The following VTI1A variants were observed in gnomAD, a reference collection of about 807,000 sequenced individuals.
VTI1A encodes vesicle transport through interaction with t-SNAREs 1A, also known as vesicle transport through interaction with t-SNAREs homolog 1A.
VTI1A carries 22 observed loss-of-function variants against 34.9 expected under a neutral mutation model. The ratio of observed to expected loss-of-function variants is 0.63; its 90% confidence interval spans 0.45 to 0.90. The LOEUF (loss-of-function observed/expected upper bound fraction) is 0.90, where lower values mean the gene tolerates loss of function less well. Among genes scored for constraint, VTI1A ranks in the 40% least tolerant of loss-of-function variants. The pLI, the probability that VTI1A is intolerant of heterozygous loss-of-function variation, is 0.00. For missense variants in VTI1A, 268 were observed against 275.6 expected (o/e 0.97, Z 0.20); for synonymous variants, 87 against 97.3 (o/e 0.89, Z 0.62).
At chr10:112,765,586 A>G (rs886074130) in intron 7 of VTI1A, among the ~76,000 whole-genome samples, 19 of 152,226 alleles carry the variant, frequency 1.2e-4, no homozygotes, top group African/African-American at 4.6e-4. Context: ...CATGCTAAAC[A>G]CTGCTAGGTG....
the VTI1A span, among the ~76,000 whole-genome samples, chr10:112,850,953 G>A: frequency 6.6e-6 from 1 of 152,164 alleles, no homozygotes; most frequent in Non-Finnish European, 1.5e-5. Flanking sequence ...CCTCTCCTGA[G>A]AATTCTCTTA....
chr10:112,704,078 A>G (rs528549200), intron 7 of VTI1A, among the ~76,000 whole-genome samples: 20 of 152,318 alleles, frequency 1.3e-4, no homozygotes, highest in South Asian at 1.0e-3. Context: ...GGTCTTATTT[A>G]AAATTCAGAA....
At chr10:112,765,543 A>G (rs997367364) in intron 7 of VTI1A, among the ~76,000 whole-genome samples, 1 of 152,182 alleles carries the variant, frequency 6.6e-6, no homozygotes, top group African/African-American at 2.4e-5. Context: ...TTTATGTTTA[A>G]TTTATTGAAA....
rs1850679863 is a variant in VTI1A at position 112,537,332 on chromosome 10, T to TATATATATATATATAG, written c.343-908_343-907insATATATATAGATATAT. Among the ~76,000 whole-genome samples the TATATATATATATATAG allele has an allele frequency of 1.4e-5, 2 of 137,956 alleles. 1 individual carries two copies. The highest frequency in any genetic ancestry group is 5.2e-5 in the African/African-American group (2 of 38,590). 90.5% of individuals were successfully genotyped at this position (137,956 alleles called of 152,430 possible). A position where few individuals can be genotyped will look rare whatever the true frequency, so the allele number is the denominator to read the frequency against. ...CTAGGTATATATATATATATATATATATATATCTGTATCAGTTTTTATCCA... is the reference window on the plus strand; with the variant it reads ...CTAGGTATATATATATATATATATATATATATATATATATAGATATATCTGTATCAGTTTTTATCCA... On this transcript the variant is annotated intron_variant, in intron 4 of 7. Coordinates refer to ENST00000393077, the MANE Select transcript of VTI1A (RefSeq NM_145206.4).
chr10:112,828,587 A>C, the VTI1A span, among the ~76,000 whole-genome samples: 1 of 151,904 alleles, frequency 6.6e-6, no homozygotes, highest in Non-Finnish European at 1.5e-5. Context: ...TTGTATTTTT[A>C]GTAGAGACGG....
intron 3 of VTI1A, among the ~76,000 whole-genome samples, chr10:112,472,154 A>C (rs1848111574): frequency 6.6e-6 from 1 of 152,218 alleles, no homozygotes; most frequent in African/African-American, 2.4e-5. Flanking sequence ...ATTTGGGGTG[A>C]ATGATTAGAT....
intron 7 of VTI1A, among the ~76,000 whole-genome samples, chr10:112,707,963 T>C (rs1039139303): frequency 3.9e-5 from 6 of 152,216 alleles, no homozygotes; most frequent in Non-Finnish European, 8.8e-5. Context: ...GGTTGCACTT[T>C]ATTAAACATC....
In VTI1A at chr10:112,584,784, C is replaced by T. The variant is rs567334117; in HGVS notation, c.427+46454C>T. ...CATTCAACAGAGAAGGAAATGTAGG[C>T]GCAGGAGGTTCCATAGCCTCCTTAC... On this transcript the variant is annotated intron_variant, in intron 5 of 7. Coordinates refer to ENST00000393077, the MANE Select transcript of VTI1A (RefSeq NM_145206.4). Among the ~76,000 whole-genome samples, 15 of 152,254 alleles carry T rather than the reference C, an allele frequency of 9.9e-5. No homozygotes were observed. The East Asian group carries it at 1.4e-3, about 14-fold the overall frequency.
intron 4 of VTI1A, among the ~76,000 whole-genome samples, chr10:112,534,646 G>A (rs1363597660): frequency 1.3e-5 from 2 of 152,008 alleles, no homozygotes; most frequent in East Asian, 3.9e-4. Context: ...AAATGAAGGG[G>A]AAAAATATAC....
chr10:112,665,244 C>T (rs1260821758), intron 5 of VTI1A, among the ~76,000 whole-genome samples: 2 of 151,830 alleles, frequency 1.3e-5, no homozygotes, highest in Non-Finnish European at 2.9e-5. Flanking sequence ...AAAAAATCCC[C>T]TCTAATTTGT....
intron 7 of VTI1A, among the ~76,000 whole-genome samples, chr10:112,777,986 C>T (rs910901277): frequency 2.0e-5 from 3 of 152,082 alleles, no homozygotes; most frequent in African/African-American, 7.3e-5. Flanking sequence ...CATGTAATCC[C>T]AGCTACTCGA....
rs758743092 is a variant in VTI1A at position 112,496,262 on chromosome 10, G to A, written c.265-30825G>A. Among the ~76,000 whole-genome samples the A allele has an allele frequency of 8.1e-5, 11 of 136,098 alleles. No individual in the cohort carries two copies. In the Admixed American group the frequency reaches 8.5e-4, roughly 10 times the overall value. 89.3% of individuals were successfully genotyped at this position (136,098 alleles called of 152,430 possible). A position where few individuals can be genotyped will look rare whatever the true frequency, so the allele number is the denominator to read the frequency against. ...GACATGATCATTTCTAACCATAGTT[G>A]TTGAAGTATTTACATATGAAGGTTG... On this transcript the variant is annotated intron_variant, in intron 3 of 7. Transcript: ENST00000393077.
chr10:112,746,547 C>T (rs1850904120), intron 7 of VTI1A, among the ~76,000 whole-genome samples: 1 of 152,190 alleles, frequency 6.6e-6, no homozygotes. Flanking sequence ...TGCAAGGCCA[C>T]TTGTTCCAGA....
intron 2 of VTI1A, among the ~76,000 whole-genome samples, chr10:112,462,082 G>A (rs529271720): frequency 1.6e-4 from 24 of 152,124 alleles, no homozygotes; most frequent in African/African-American, 4.3e-4. Flanking sequence ...ACTCCTGACC[G>A]CAGGTGATCC....
At chr10:112,505,478 T>C (rs1849395378) in intron 3 of VTI1A, among the ~76,000 whole-genome samples, 1 of 152,234 alleles carries the variant, frequency 6.6e-6, no homozygotes, top group Admixed American at 6.5e-5. Flanking sequence ...TAACTTCTTT[T>C]ACTAATCTAA....
At chr10:112,792,608 C>G (rs970510351) in intron 7 of VTI1A, among the ~76,000 whole-genome samples, 19 of 152,122 alleles carry the variant, frequency 1.2e-4, no homozygotes, top group African/African-American at 4.6e-4. Flanking sequence ...AAAACATTTC[C>G]TTCCCCAGAA....
Position 112,791,771 on chromosome 10 carries a change from T to C in VTI1A, c.561-23519T>C. ...GGTACGTATAACTTACACTGATCACTGTTCTGAGTCTGTTCTCTAATAAAA... is the reference window on the plus strand; with the variant it reads ...GGTACGTATAACTTACACTGATCACCGTTCTGAGTCTGTTCTCTAATAAAA... On this transcript the variant is annotated intron_variant, in intron 7 of 7. Coordinates refer to ENST00000393077, the MANE Select transcript of VTI1A (RefSeq NM_145206.4). 1.3e-5 allele frequency among the ~76,000 whole-genome samples: 2 copies of C among 152,152 alleles called. 1 individual carries two copies. Among genetic ancestry groups the C allele is most frequent in the South Asian group, 4.2e-4 (2 of 4,810 alleles).
intron 5 of VTI1A, among the ~76,000 whole-genome samples, chr10:112,649,861 A>G (rs1325861783): frequency 6.6e-6 from 1 of 152,204 alleles, no homozygotes. Flanking sequence ...AAAATATGAT[A>G]TAAGAGATAA....
intron 1 of VTI1A, among the ~76,000 whole-genome samples, chr10:112,455,671 CT>C (rs1158661435): frequency 3.5e-5 from 5 of 143,448 alleles, no homozygotes; most frequent in African/African-American, 1.3e-4. Flanking sequence ...TCCTCCCTTC[CT>C]TCCTTCCTTC....
Sources: allele counts gnomAD v4.1 joint callset (sites outside exome capture counted in the v4.1 genomes callset), GRCh38; gene constraint gnomAD v4.1.1; transcripts MANE v1.5; gene names NCBI Gene and HGNC (gene_info 2026-07-23, HGNC 2026-07-21).